The following LRRTM4 variants were observed in gnomAD, a reference collection of about 807,000 sequenced individuals.
LRRTM4 encodes leucine-rich repeat transmembrane neuronal protein 4.
LRRTM4 carries 25 observed loss-of-function variants against 47.6 expected under a neutral mutation model. The ratio of observed to expected loss-of-function variants is 0.53; its 90% CI spans 0.38 to 0.73. LRRTM4 has a LOEUF of 0.73. Ranked by LOEUF, LRRTM4 falls within the 30% of genes least tolerant of loss-of-function variation. LRRTM4 has a pLI of 0.00. For synonymous variants in LRRTM4, 311 were observed against 269.5 expected (o/e 1.15, Z -1.51); for missense variants, 638 against 713.4 (o/e 0.89, Z 1.20).
intron 3 of LRRTM4, among the ~76,000 whole-genome samples, chr2:76,782,610 C>T (rs573918102): frequency 6.6e-6 from 1 of 152,286 alleles, no homozygotes; most frequent in East Asian, 1.9e-4. Context: ...ATTTTTTAAA[C>T]TGCAAATGAT....
At chr2:76,777,200 C>A (rs1007946123) in intron 3 of LRRTM4, among the ~76,000 whole-genome samples, 11 of 150,714 alleles carry the variant, frequency 7.3e-5, no homozygotes, top group Admixed American at 2.0e-4. Context: ...TGTGATGCAT[C>A]CAGCTTTGTT....
At chr2:77,011,531 T>TTGTGTGTGTGTGTG (rs56982328) in intron 3 of LRRTM4, among the ~76,000 whole-genome samples, 6 of 144,148 alleles carry the variant, frequency 4.2e-5, no homozygotes, top group East Asian at 2.0e-4. Flanking sequence ...GAAGAAGCAT[T>TTGTGTGTGTGTGTG]TGTGTGTGTG....
At chr2:77,145,830 T>C (rs1672245629) in intron 3 of LRRTM4, among the ~76,000 whole-genome samples, 1 of 150,042 alleles carries the variant, frequency 6.7e-6, no homozygotes, top group African/African-American at 2.5e-5. Flanking sequence ...ATTGTATATA[T>C]GCTTAAGTGG....
chr2:77,006,445 C>T (rs1463086788), intron 3 of LRRTM4, among the ~76,000 whole-genome samples: 1 of 152,022 alleles, frequency 6.6e-6, no homozygotes, highest in Non-Finnish European at 1.5e-5. Context: ...AGTAAAGCTT[C>T]CAGAAAATTT....
intron 3 of LRRTM4, among the ~76,000 whole-genome samples, chr2:76,784,997 C>CGG (rs1558651176): frequency 2.0e-5 from 3 of 151,864 alleles, no homozygotes; most frequent in Admixed American, 6.6e-5. Context: ...TCATTTTATC[C>CGG]AAATTTCATA....
chr2:77,360,542 A>ATTC lies in LRRTM4; in HGVS notation c.1551+157775_1551+157776insGAA, dbSNP rs1558706339. Among the ~76,000 whole-genome samples, 4 of 139,038 alleles carry ATTC rather than the reference A, an allele frequency of 2.9e-5. No individual in the cohort carries two copies. In the East Asian group the frequency reaches 7.1e-4, roughly 25 times the overall value. 91.2% of individuals were successfully genotyped at this position (139,038 alleles called of 152,430 possible). A position where few individuals can be genotyped will look rare whatever the true frequency, so the allele number is the denominator to read the frequency against. The stretch of plus-strand genomic sequence containing the variant: ...GATACGATACGATACGATACAATAC[A>ATTC]ATCATTCATACATACATACATACAT... On this transcript the variant is annotated intron_variant, in intron 3 of 3. Coordinates refer to ENST00000409884, the MANE Select transcript of LRRTM4 (RefSeq NM_001134745.3).
At chr2:76,975,541 T>A (rs1676390245) in intron 3 of LRRTM4, among the ~76,000 whole-genome samples, 1 of 151,718 alleles carries the variant, frequency 6.6e-6, no homozygotes, top group African/African-American at 2.4e-5. Context: ...ATATTCCTTA[T>A]GATTTGGGGC....
intron 3 of LRRTM4, among the ~76,000 whole-genome samples, chr2:77,247,777 A>G (rs1246254538): frequency 6.6e-6 from 1 of 152,048 alleles, no homozygotes; most frequent in Non-Finnish European, 1.5e-5. Context: ...TATTAGGCCT[A>G]TGTCTATAAT....
chr2:77,360,509 TAC>T lies in LRRTM4; in HGVS notation c.1551+157807_1551+157808del, dbSNP rs1248565010. On this transcript the variant is annotated intron_variant, in intron 3 of 3. Transcript: ENST00000409884. ...TACGATACGATACGATACGATACGATACGATACGATACGATACGATACGATAC... is the reference window on the plus strand; with the variant it reads ...TACGATACGATACGATACGATACGATGATACGATACGATACGATACGATAC... Among the ~76,000 whole-genome samples the T allele has an allele frequency of 5.3e-5, 8 of 150,600 alleles. 1 individual carries two copies. The highest frequency in any genetic ancestry group is 5.3e-4 in the Admixed American group (8 of 15,118).
chr2:76,934,461 A>G lies in LRRTM4; in HGVS notation c.1552-185545T>C, dbSNP rs145773791. 1.5e-3 allele frequency among the ~76,000 whole-genome samples: 228 copies of G among 152,296 alleles called. 1 individual carries two copies. The highest frequency in any genetic ancestry group is 5.2e-3 in the African/African-American group (215 of 41,582). On this transcript the variant is annotated intron_variant, in intron 3 of 3. Transcript: ENST00000409884. ...TAGATGTCTCCATTGTAAAATTCAGATTACTGTGCCTTTCTCACACAGTTG... is the reference window on the plus strand; with the variant it reads ...TAGATGTCTCCATTGTAAAATTCAGGTTACTGTGCCTTTCTCACACAGTTG...
intron 3 of LRRTM4, among the ~76,000 whole-genome samples, chr2:76,824,375 G>T (rs1047236384): frequency 6.6e-6 from 1 of 151,524 alleles, no homozygotes; most frequent in Non-Finnish European, 1.5e-5. Flanking sequence ...CTGCATAATT[G>T]TCATAGAATG....
intron 3 of LRRTM4, among the ~76,000 whole-genome samples, chr2:77,244,724 T>G (rs936063856): frequency 4.6e-5 from 7 of 152,182 alleles, no homozygotes; most frequent in Non-Finnish European, 1.0e-4. Context: ...AACTGTGAAT[T>G]TCCTCTTGTT....
At chr2:77,131,112 G>C (rs1385937850) in intron 3 of LRRTM4, among the ~76,000 whole-genome samples, 1 of 151,878 alleles carries the variant, frequency 6.6e-6, no homozygotes. Flanking sequence ...GGGATTACAG[G>C]CGTCAGCCAC....
intron 3 of LRRTM4, among the ~76,000 whole-genome samples, chr2:77,010,558 T>C (rs1677836476): frequency 6.7e-6 from 1 of 148,760 alleles, no homozygotes; most frequent in African/African-American, 2.5e-5. Flanking sequence ...TCTTTAACCA[T>C]TCATCTGTTG....
chr2:77,158,359 TA>T (rs1245097404), intron 3 of LRRTM4, among the ~76,000 whole-genome samples: 2 of 152,248 alleles, frequency 1.3e-5, no homozygotes, highest in Non-Finnish European at 2.9e-5. Flanking sequence ...CATATGTGGT[TA>T]AAAACTATGT....
intron 3 of LRRTM4, among the ~76,000 whole-genome samples, chr2:77,509,214 A>G (rs1678889045): frequency 7.3e-6 from 1 of 137,890 alleles, no homozygotes; most frequent in African/African-American, 2.8e-5. Flanking sequence ...CCTGGGCAAC[A>G]GAGTGAGACT....
At chr2:77,253,351 G>A (rs1198975096) in intron 3 of LRRTM4, among the ~76,000 whole-genome samples, 1 of 152,056 alleles carries the variant, frequency 6.6e-6, no homozygotes, top group Non-Finnish European at 1.5e-5. Flanking sequence ...CAGTAGTAAA[G>A]AGGGTTCTCT....
At chr2:77,467,373 A>C (rs1677021638) in intron 3 of LRRTM4, among the ~76,000 whole-genome samples, 1 of 152,086 alleles carries the variant, frequency 6.6e-6, no homozygotes, top group Non-Finnish European at 1.5e-5. Flanking sequence ...GAAAGGACAA[A>C]AGCCATGCAG....
At chr2:77,421,686 G>A (rs1475721512) in intron 3 of LRRTM4, among the ~76,000 whole-genome samples, 1 of 151,426 alleles carries the variant, frequency 6.6e-6, no homozygotes, top group South Asian at 2.1e-4. Flanking sequence ...CAGCCTGGGC[G>A]GCAGAGGGAG....
Sources: gnomAD v4.1 joint callset for allele counts (sites outside exome capture counted in the v4.1 genomes callset) on GRCh38, gnomAD v4.1.1 for gene constraint, MANE v1.5 for transcripts, NCBI Gene and HGNC (gene_info 2026-07-23, HGNC 2026-07-21) for gene names.